Variants in TBC1D30 observed in about 807,000 individuals in gnomAD.
The protein encoded by TBC1D30 is TBC1 domain family member 30, also known as TBC1 domain family, member 30.
TBC1D30 carries 31 observed loss-of-function variants against 63.2 expected under a neutral mutation model. That is an observed-to-expected ratio of 0.49 (90% CI 0.37 to 0.66). The LOEUF is 0.66. Among genes scored for constraint, TBC1D30 ranks in the 30% least tolerant of loss-of-function variants. The pLI, the probability that TBC1D30 is intolerant of heterozygous loss-of-function variation, is 0.00. For synonymous variants in TBC1D30, 307 were observed against 361.5 expected (o/e 0.85, Z 1.71); for missense variants, 810 against 953.6 (o/e 0.85, Z 1.98).
upstream of TBC1D30, among the ~76,000 whole-genome samples, chr12:64,821,984 A>G (rs542561435): frequency 6.6e-6 from 1 of 152,138 alleles, no homozygotes; most frequent in East Asian, 1.9e-4. Context: ...CATGTCCTTT[A>G]TTAGCCTGCT....
intron 2 of TBC1D30, among the ~76,000 whole-genome samples, chr12:64,811,429 A>G (rs1873214570): frequency 6.6e-6 from 1 of 152,224 alleles, no homozygotes; most frequent in South Asian, 2.1e-4. Flanking sequence ...TTTTCAGCTA[A>G]CTAATCAGCT....
chr12:64,762,520 C>A (rs1352578593), intron 1 of TBC1D30, among the ~76,000 whole-genome samples: 2 of 151,746 alleles, frequency 1.3e-5, no homozygotes, highest in African/African-American at 2.4e-5. Flanking sequence ...AGTGGAGGCT[C>A]CTTAAGAAAA....
chr12:64,780,676 G>A, exon 1 of TBC1D30: 5 of 866,228 alleles, frequency 5.8e-6, no homozygotes, highest in Non-Finnish European at 6.9e-6. Context: ...GGCACCTCGG[G>A]GATCCAGAGC....
At position 64,844,963 on chromosome 12, in the gene TBC1D30, G is replaced by C. The variant is rs1037520096; in HGVS notation, c.1038+1478G>C. ...ACAGAATCTCATTCTTCTTTTTATG[G>C]CTGAATAGTACTCCATATTGTATAT... On this transcript the variant is annotated intron_variant, in intron 8 of 11. Coordinates refer to ENST00000539867, the MANE Select transcript of TBC1D30 (RefSeq NM_015279.2). Among the ~76,000 whole-genome samples the C allele has an allele frequency of 3.3e-5, 5 of 152,148 alleles. 2 individuals are homozygous for C. Among genetic ancestry groups the C allele is most frequent in the Admixed American group, 3.3e-4 (5 of 15,274 alleles).
intron 2 of TBC1D30, among the ~76,000 whole-genome samples, chr12:64,815,523 T>G (rs1873471283): frequency 6.6e-6 from 1 of 152,206 alleles, no homozygotes; most frequent in Non-Finnish European, 1.5e-5. Context: ...TTAAATTTAT[T>G]GCAAAGTAAG....
At chr12:64,812,542 A>G (rs918543109) in intron 2 of TBC1D30, among the ~76,000 whole-genome samples, 2 of 152,250 alleles carry the variant, frequency 1.3e-5, no homozygotes, top group African/African-American at 4.8e-5. Flanking sequence ...AATGTAGAAT[A>G]CATTGTAAAA....
chr12:64,864,477 G>T (rs1228037122), intron 8 of TBC1D30, among the ~76,000 whole-genome samples, 191 bp from the exon 9 acceptor site: 1 of 152,134 alleles, frequency 6.6e-6, no homozygotes, highest in Non-Finnish European at 1.5e-5. Context: ...GAGCCCACTG[G>T]GTCGGGTTTA....
chr12:64,813,625 T>C (rs1338320557), intron 2 of TBC1D30, among the ~76,000 whole-genome samples: 9 of 152,178 alleles, frequency 5.9e-5, no homozygotes, highest in African/African-American at 1.7e-4. Flanking sequence ...AGAGCAAACA[T>C]GTGACATTTG....
At chr12:64,810,374 C>T (rs1326782797) in intron 2 of TBC1D30, among the ~76,000 whole-genome samples, 2 of 152,090 alleles carry the variant, frequency 1.3e-5, no homozygotes, top group Non-Finnish European at 2.9e-5. Flanking sequence ...CTAGCACTTT[C>T]GGAGGATCAC....
upstream of TBC1D30, among the ~76,000 whole-genome samples, chr12:64,821,984 A>C (rs542561435): frequency 2.0e-4 from 30 of 152,256 alleles, no homozygotes; most frequent in South Asian, 6.2e-3. Flanking sequence ...CATGTCCTTT[A>C]TTAGCCTGCT....
chr12:64,843,261 C>A, intron 7 of TBC1D30, 119 bp from the exon 8 acceptor site: 1 of 855,684 alleles, frequency 1.2e-6, no homozygotes, highest in Non-Finnish European at 1.8e-6. Context: ...TCCCAGAGTG[C>A]TGGGATTATA....
At chr12:64,763,123 T>G (rs1245242405) in intron 1 of TBC1D30, among the ~76,000 whole-genome samples, 1 of 151,982 alleles carries the variant, frequency 6.6e-6, no homozygotes, top group Non-Finnish European at 1.5e-5. Context: ...GCCCGGCTAA[T>G]TTTTGTATTT....
At chr12:64,805,709 T>G (rs972898080) in intron 2 of TBC1D30, among the ~76,000 whole-genome samples, 1 of 152,134 alleles carries the variant, frequency 6.6e-6, no homozygotes, top group Admixed American at 6.5e-5. Flanking sequence ...GGCGGGCACC[T>G]GTAGTCCCAG....
intron 4 of TBC1D30, among the ~76,000 whole-genome samples, chr12:64,830,964 C>A (rs1874804727): frequency 6.6e-6 from 1 of 152,170 alleles, no homozygotes; most frequent in Non-Finnish European, 1.5e-5. Flanking sequence ...GGGTTCAAGC[C>A]AGCTGTGTAG....
At chr12:64,802,142 T>C (rs998296672) in intron 2 of TBC1D30, among the ~76,000 whole-genome samples, 1 of 152,238 alleles carries the variant, frequency 6.6e-6, no homozygotes, top group Non-Finnish European at 1.5e-5. Flanking sequence ...CCTAGCCCAT[T>C]ACAGCTCTTT....
chr12:64,844,784 A>G (rs568591846), intron 8 of TBC1D30, among the ~76,000 whole-genome samples: 4 of 151,924 alleles, frequency 2.6e-5, no homozygotes, highest in African/African-American at 4.8e-5. Flanking sequence ...TTGTCTTTCC[A>G]TGCCTGGCTT....
intron 1 of TBC1D30, among the ~76,000 whole-genome samples, chr12:64,785,673 T>C (rs1359483263): frequency 6.6e-6 from 1 of 152,192 alleles, no homozygotes; most frequent in Non-Finnish European, 1.5e-5. Flanking sequence ...AAATTTACCT[T>C]ACAGTATCTG....
At chr12:64,811,687 TTGTTC>T (rs1381448002) in intron 2 of TBC1D30, among the ~76,000 whole-genome samples, 1 of 152,184 alleles carries the variant, frequency 6.6e-6, no homozygotes, top group Non-Finnish European at 1.5e-5. Context: ...AGAACTTCAC[TTGTTC>T]TGTTATCATG....
upstream of TBC1D30, among the ~76,000 whole-genome samples, chr12:64,824,395 C>G (rs569751022): frequency 6.6e-6 from 1 of 152,194 alleles, no homozygotes; most frequent in Admixed American, 6.5e-5. Context: ...ACTGGCGCCC[C>G]TTGGTGCTCC....
Sources: gnomAD v4.1 joint callset for allele counts (sites outside exome capture counted in the v4.1 genomes callset) on GRCh38, gnomAD v4.1.1 for gene constraint, MANE v1.5 for transcripts, NCBI Gene and HGNC (gene_info 2026-07-23, HGNC 2026-07-21) for gene names.